Variants in DGAT2L6 observed in about 807,000 individuals in gnomAD.
The protein encoded by DGAT2L6 is diacylglycerol O-acyltransferase 2-like protein 6.
In DGAT2L6, 22 loss-of-function variants were observed where a neutral mutation model predicts 25.5. The observed-to-expected ratio is 0.86, with a 90% CI of 0.62 to 1.23. DGAT2L6 has a LOEUF of 1.23. Ranked by LOEUF, DGAT2L6 falls within the 50% of genes most tolerant of loss-of-function variation. DGAT2L6 has a pLI of 0.00. For missense variants in DGAT2L6, 287 were observed against 253.2 expected (o/e 1.13, Z -0.91); for synonymous variants, 100 against 94.7 (o/e 1.06, Z -0.32).
intron 5 of DGAT2L6, 108 bp downstream of exon 5, chrX:70,202,172 A>G: frequency 2.8e-6 from 2 of 723,969 alleles, no homozygotes; most frequent in Non-Finnish European, 3.7e-6. Flanking sequence ...CCCCATCTTC[A>G]CTCTAATTCC....
At chrX:70,194,352 T>C (rs2085384448) in intron 1 of DGAT2L6, among the ~76,000 whole-genome samples, 1 of 111,631 alleles carries the variant, frequency 9.0e-6, no homozygotes, top group African/African-American at 3.3e-5. Context: ...ACAATCCCTA[T>C]GAAAATTCCA....
chrX:70,201,032 C>T (rs926810393), intron 4 of DGAT2L6, among the ~76,000 whole-genome samples: 1 of 112,238 alleles, frequency 8.9e-6, no homozygotes, highest in Non-Finnish European at 1.9e-5. Flanking sequence ...CTTCCCCATG[C>T]TCAGCTTCAA....
rs1438942563 is a variant in DGAT2L6 at position 70,204,919 on chromosome X, A to G, written c.860-33A>G. ...ATGAGTAGTTTGAGTTGAGGGGGGA[A>G]CTCTGATGTTTGTCTCTTTTCTTTT... is the stretch of plus-strand genomic sequence containing the variant. On this transcript the variant is annotated intron_variant, in intron 6 of 6. Coordinates refer to ENST00000333026, the MANE Select transcript of DGAT2L6 (RefSeq NM_198512.3). The G allele has an allele frequency of 5.2e-6, 6 of 1,147,184 alleles. No homozygotes were observed. In the African/African-American group the frequency reaches 5.5e-5, roughly 10 times the overall value. The allele number at this position is 1,147,184 out of a possible 1,213,427, so 94.5% of individuals were successfully genotyped here. A position where few individuals can be genotyped will look rare whatever the true frequency, so the allele number is the denominator to read the frequency against.
intron 1 of DGAT2L6, among the ~76,000 whole-genome samples, chrX:70,183,018 C>T (rs113690423): frequency 0.11 from 11,649 of 110,445 alleles, 591 homozygotes; most frequent in Non-Finnish European, 0.14. Flanking sequence ...GTCTCGAACT[C>T]CTGACCTCAG....
At chrX:70,193,508 C>T (rs765595389) in intron 1 of DGAT2L6, among the ~76,000 whole-genome samples, 143 of 111,181 alleles carry the variant, frequency 1.3e-3, no homozygotes, top group African/African-American at 4.5e-3. Context: ...CAACAAAATA[C>T]TAGCAAACCA....
chrX:70,189,371 A>T (rs1196623445), intron 1 of DGAT2L6, among the ~76,000 whole-genome samples: 1 of 112,153 alleles, frequency 8.9e-6, no homozygotes, highest in Non-Finnish European at 1.9e-5. Context: ...TTTTAAAAAA[A>T]ATACCATTTA....
intron 1 of DGAT2L6, among the ~76,000 whole-genome samples, chrX:70,182,329 G>A (rs2085345685): frequency 9.1e-6 from 1 of 109,952 alleles, no homozygotes; most frequent in Non-Finnish European, 1.9e-5. Context: ...TTCAGAGGAT[G>A]GCTTTCCCTC....
At chrX:70,196,521 AAAG>A (rs1470159309) in intron 1 of DGAT2L6, among the ~76,000 whole-genome samples, 1 of 108,514 alleles carries the variant, frequency 9.2e-6, no homozygotes, top group Non-Finnish European at 1.9e-5. Flanking sequence ...AAAGAAAAAA[AAAG>A]AAAAAAGAAA....
intron 2 of DGAT2L6, 96 bp from the exon 3 acceptor site, chrX:70,199,716 G>A (rs1471940799): frequency 4.7e-6 from 4 of 844,104 alleles, no homozygotes; most frequent in East Asian, 3.3e-5. Context: ...GGCCCCTCAC[G>A]TGACCTGAGG....
chrX:70,186,192 T>C (rs1186562001), intron 1 of DGAT2L6, among the ~76,000 whole-genome samples: 1 of 112,385 alleles, frequency 8.9e-6, no homozygotes, highest in African/African-American at 3.2e-5. Flanking sequence ...TGAACATTTA[T>C]CATAAGCTAT....
chrX:70,200,564 T>A lies in DGAT2L6; in HGVS notation c.472+105T>A, dbSNP rs754266093. The A allele has an allele frequency of 2.2e-5, 17 of 767,594 alleles. No homozygotes were observed. In the East Asian group the frequency reaches 2.8e-4, roughly 13 times the overall value. The allele number at this position is 767,594 out of a possible 1,213,427, so 63.3% of individuals were successfully genotyped here. A position where few individuals can be genotyped will look rare whatever the true frequency, so the allele number is the denominator to read the frequency against. ...TGCTTGAAGAGTACATGATAGAAAA[T>A]AAGTCCAGGACACCCTGGGCCCGTA... On this transcript the variant is annotated intron_variant, in intron 4 of 6. Transcript: ENST00000333026.
intron 1 of DGAT2L6, among the ~76,000 whole-genome samples, chrX:70,190,444 T>C (rs188036172): frequency 3.7e-4 from 41 of 111,558 alleles, no homozygotes; most frequent in African/African-American, 1.3e-3. Context: ...AGGAAGGCTG[T>C]TTTGAGAGGG....
At chrX:70,203,658 T>C (rs2147611673) in intron 5 of DGAT2L6, among the ~76,000 whole-genome samples, 1 of 110,663 alleles carries the variant, frequency 9.0e-6, no homozygotes, top group South Asian at 3.9e-4. Flanking sequence ...TAATACACGG[T>C]TGGGGCAGCG....
intron 1 of DGAT2L6, among the ~76,000 whole-genome samples, chrX:70,186,454 AAG>A (rs2085359966): frequency 8.9e-6 from 1 of 111,940 alleles, no homozygotes; most frequent in African/African-American, 3.2e-5. Context: ...GAAAGTTGGA[AAG>A]AGAGTAATAA....
chrX:70,202,222 G>C (rs749546854), intron 5 of DGAT2L6, among the ~76,000 whole-genome samples, 158 bp downstream of exon 5: 198 of 111,950 alleles, frequency 1.8e-3, no homozygotes, highest in Non-Finnish European at 2.3e-3. Flanking sequence ...GGGATGTTTG[G>C]GCCTCCAGAT....
intron 1 of DGAT2L6, among the ~76,000 whole-genome samples, chrX:70,183,343 T>C (rs1475321306): frequency 2.7e-5 from 3 of 112,439 alleles, no homozygotes; most frequent in Non-Finnish European, 3.8e-5. Flanking sequence ...CCACTACTCC[T>C]GCCAGTGGAA....
At chrX:70,197,143 G>T (rs2085394844) in intron 1 of DGAT2L6, among the ~76,000 whole-genome samples, 2 of 111,368 alleles carry the variant, frequency 1.8e-5, no homozygotes, top group Admixed American at 9.5e-5. Flanking sequence ...ACCATCTTCT[G>T]GTGTCAAGGC....
chrX:70,195,148 C>T (rs1396319130), intron 1 of DGAT2L6, among the ~76,000 whole-genome samples: 1 of 111,956 alleles, frequency 8.9e-6, no homozygotes, highest in Non-Finnish European at 1.9e-5. Context: ...AGGGGCTCAA[C>T]ATTATTAGTC....
At chrX:70,196,486 CAAA>C (rs751597708) in intron 1 of DGAT2L6, among the ~76,000 whole-genome samples, 1 of 26,112 alleles carries the variant, frequency 3.8e-5, no homozygotes, top group Non-Finnish European at 7.0e-5. Flanking sequence ...GATCCTGTCT[CAAA>C]AAAAAAAAAA....
Sources: gnomAD v4.1 joint callset for allele counts (sites outside exome capture counted in the v4.1 genomes callset) on GRCh38, gnomAD v4.1.1 for gene constraint, MANE v1.5 for transcripts, NCBI Gene and HGNC (gene_info 2026-07-23, HGNC 2026-07-21) for gene names.